GRID2: variants seen among roughly 807,000 people sequenced by gnomAD.
The protein encoded by GRID2 is glutamate ionotropic receptor delta type subunit 2.
Under a neutral mutation model 114.8 loss-of-function variants are expected in GRID2, and 33 were observed. The ratio of observed to expected loss-of-function variants is 0.29; its 90% CI spans 0.22 to 0.38. GRID2 has a LOEUF of 0.38. Ranked by LOEUF, GRID2 falls within the 10% of genes least tolerant of loss-of-function variation. GRID2 has a pLI of 1.00. For synonymous variants in GRID2, 505 were observed against 449.9 expected (o/e 1.12, Z -1.55); for missense variants, 1,184 against 1,257.7 (o/e 0.94, Z 0.89).
chr4:93,119,291 C>T (rs928926581), intron 4 of GRID2, among the ~76,000 whole-genome samples: 1 of 152,080 alleles, frequency 6.6e-6, no homozygotes, highest in African/African-American at 2.4e-5. Flanking sequence ...AGTGAAACAG[C>T]AGTGCTCACT....
intron 1 of GRID2, among the ~76,000 whole-genome samples, chr4:92,481,726 C>T (rs1279136280): frequency 6.6e-6 from 1 of 151,396 alleles, no homozygotes; most frequent in African/African-American, 2.4e-5. Flanking sequence ...TGTTATTTTT[C>T]CAATTATTTA....
At chr4:92,384,576 A>ATATATATTATATTATATATAACAT (rs376486621) in intron 1 of GRID2, among the ~76,000 whole-genome samples, 1 of 71,116 alleles carries the variant, frequency 1.4e-5, no homozygotes, top group African/African-American at 7.7e-5. Flanking sequence ...ATAATATATA[A>ATATATATTATATTATATATAACAT]AATATATTAT....
intron 2 of GRID2, among the ~76,000 whole-genome samples, chr4:92,985,282 G>A (rs1754439128): frequency 6.7e-6 from 1 of 148,656 alleles, no homozygotes; most frequent in East Asian, 2.0e-4. Flanking sequence ...GGACTGCAGT[G>A]GCGCGATCTC....
At chr4:93,506,247 T>C (rs531610830) in intron 12 of GRID2, among the ~76,000 whole-genome samples, 8 of 152,112 alleles carry the variant, frequency 5.3e-5, no homozygotes, top group Non-Finnish European at 1.0e-4. Context: ...CAGAATACTT[T>C]CGTCGGGACA....
At chr4:92,728,163 G>T (rs1346723561) in intron 2 of GRID2, among the ~76,000 whole-genome samples, 1 of 151,954 alleles carries the variant, frequency 6.6e-6, no homozygotes, top group Admixed American at 6.6e-5. Flanking sequence ...TGAATATTTT[G>T]CTTGAGGGTA....
intron 1 of GRID2, among the ~76,000 whole-genome samples, chr4:92,586,560 C>T (rs1728461330): frequency 6.6e-6 from 1 of 151,772 alleles, no homozygotes; most frequent in Non-Finnish European, 1.5e-5. Flanking sequence ...TGTCAGTTAG[C>T]TTTGAATTGT....
chr4:92,751,267 AAT>A, intron 2 of GRID2, among the ~76,000 whole-genome samples: 1 of 152,296 alleles, frequency 6.6e-6, no homozygotes, highest in South Asian at 2.1e-4. Context: ...GATTAAAAAT[AAT>A]ATAGTTTTAA....
In GRID2 at chr4:93,031,295, C is replaced by A. The variant is rs945627560; in HGVS notation, c.245-53700C>A. On this transcript the variant is annotated intron_variant, in intron 2 of 15. Coordinates refer to ENST00000282020, the MANE Select transcript of GRID2 (RefSeq NM_001510.4). ...TCCTGACCTAGTGATCTGCCTGCCT[C>A]GGCCTCCCAAAGTGCTGGGATAATA... 2.6e-5 allele frequency among the ~76,000 whole-genome samples: 4 copies of A among 151,964 alleles called. No individual in the cohort carries two copies. In the East Asian group the frequency reaches 7.7e-4, roughly 29 times the overall value.
In GRID2 at chr4:93,278,186, T is replaced by C. The variant is rs191397638; in HGVS notation, c.1245+39696T>C. Among the ~76,000 whole-genome samples, 21 of 151,866 alleles carry C rather than the reference T, an allele frequency of 1.4e-4. No individual in the cohort carries two copies. In the East Asian group the frequency reaches 4.1e-3, roughly 30 times the overall value. The stretch of plus-strand genomic sequence containing the variant: ...AATGATTTCAAGTTTCCATAGTAGG[T>C]TACTGGAAGGATAGTATTGCTCATG... On this transcript the variant is annotated intron_variant, in intron 8 of 15. Coordinates refer to ENST00000282020, the MANE Select transcript of GRID2 (RefSeq NM_001510.4).
intron 1 of GRID2, among the ~76,000 whole-genome samples, chr4:92,458,056 C>G (rs1721302583): frequency 6.6e-6 from 1 of 152,144 alleles, no homozygotes; most frequent in Non-Finnish European, 1.5e-5. Context: ...GCATGAAGGA[C>G]TTTTCTTTCA....
At chr4:92,612,589 T>C (rs2149230190) in intron 2 of GRID2, among the ~76,000 whole-genome samples, 1 of 151,618 alleles carries the variant, frequency 6.6e-6, no homozygotes, top group South Asian at 2.1e-4. Flanking sequence ...GAATTTAGAA[T>C]ACATATCCAC....
At chr4:92,936,935 T>C (rs1384673717) in intron 2 of GRID2, among the ~76,000 whole-genome samples, 1 of 146,856 alleles carries the variant, frequency 6.8e-6, no homozygotes, top group Non-Finnish European at 1.5e-5. Context: ...TAATGACTAA[T>C]TATGTTGAGC....
chr4:93,240,429 T>A (rs934213383), intron 8 of GRID2, among the ~76,000 whole-genome samples: 9 of 151,560 alleles, frequency 5.9e-5, no homozygotes, highest in Non-Finnish European at 1.3e-4. Context: ...TGTTTCTGAG[T>A]TAATTGCTCA....
At chr4:93,236,825 T>G (rs773359544) in intron 7 of GRID2, among the ~76,000 whole-genome samples, 1 of 152,074 alleles carries the variant, frequency 6.6e-6, no homozygotes, top group Non-Finnish European at 1.5e-5. Flanking sequence ...GTATAATAAT[T>G]TTTGGCAAAC....
At position 92,685,016 on chromosome 4, in the gene GRID2, T is replaced by C. The variant is rs78927169; in HGVS notation, c.244+94730T>C. On this transcript the variant is annotated intron_variant, in intron 2 of 15. Transcript: ENST00000282020. ...ATGTAGTTAAACCCAATTATATATCTAGTTACTGAAATATCAATAATAAAC... is the reference window on the plus strand; with the variant it reads ...ATGTAGTTAAACCCAATTATATATCCAGTTACTGAAATATCAATAATAAAC... 2.7e-4 allele frequency among the ~76,000 whole-genome samples: 41 copies of C among 152,186 alleles called. 1 individual carries two copies. In the East Asian group the frequency reaches 7.9e-3, roughly 29 times the overall value.
At chr4:93,049,922 C>T (rs533325294) in intron 2 of GRID2, among the ~76,000 whole-genome samples, 1 of 151,940 alleles carries the variant, frequency 6.6e-6, no homozygotes, top group South Asian at 2.1e-4. Flanking sequence ...ACTTTCTTTT[C>T]CTATGTTATT....
chr4:92,942,553 C>G (rs185575066), intron 2 of GRID2, among the ~76,000 whole-genome samples: 1 of 152,226 alleles, frequency 6.6e-6, no homozygotes, highest in East Asian at 1.9e-4. Context: ...TTAATTGGAG[C>G]ATTTATCCCA....
chr4:92,576,886 C>A (rs944630228), intron 1 of GRID2, among the ~76,000 whole-genome samples: 1 of 152,118 alleles, frequency 6.6e-6, no homozygotes, highest in African/African-American at 2.4e-5. Context: ...TCTGTTCTAG[C>A]CCCTCTTCTT....
chr4:93,621,493 A>C (rs1742214054), intron 13 of GRID2, among the ~76,000 whole-genome samples: 1 of 152,190 alleles, frequency 6.6e-6, no homozygotes, highest in Non-Finnish European at 1.5e-5. Context: ...TTAGTAAATA[A>C]ATCAATGGCA....
Sources: gnomAD v4.1 joint callset for allele counts (sites outside exome capture counted in the v4.1 genomes callset) on GRCh38, gnomAD v4.1.1 for gene constraint, MANE v1.5 for transcripts, NCBI Gene and HGNC (gene_info 2026-07-23, HGNC 2026-07-21) for gene names.